The following CALHM4 variants were observed in gnomAD, a reference collection of about 807,000 sequenced individuals.
The protein encoded by CALHM4 is calcium homeostasis modulator protein 4.
A neutral mutation model predicts 13.3 loss-of-function variants in CALHM4; 16 were observed. The observed-to-expected ratio is 1.20, with a 90% CI of 0.81 to 1.82. CALHM4 has a LOEUF of 1.82. CALHM4 is among the 40% of genes most tolerant of loss of function. CALHM4 has a pLI of 0.00. For missense variants in CALHM4, 344 were observed against 374.9 expected, an observed-to-expected ratio of 0.92 and a Z score of 0.68; for synonymous variants, 127 against 137.1, an observed-to-expected ratio of 0.93 and a Z score of 0.52.
chr6:116,554,191 C>T lies in CALHM4; in HGVS notation c.398C>T (p.Ala133Val), dbSNP rs1283178396. Residue 133 changes from alanine (A) to valine (V), a missense_variant, in exon 1 of 2, where the codon GCA (alanine) becomes GTA (valine). Coordinates refer to ENST00000368596, the MANE Select transcript of CALHM4 (RefSeq NM_001366078.2). ...ACAGGCACGTATTATGAATGTGCAG[C>T]AAGTGAATTTGCATCTGTGGACCAT... is the stretch of plus-strand genomic sequence containing the variant. ...LLTGTYYECA[A>V]SEFASVDHYP... is the part of the protein sequence containing the mutation. 1 of 1,550,560 alleles carries T rather than the reference C, an allele frequency of 6.4e-7. No homozygotes were observed. Among genetic ancestry groups the T allele is most frequent in the Admixed American group, 2.0e-5 (1 of 51,006 alleles).
In CALHM4 at chr6:116,560,650, T is replaced by TG. The variant is rs34461745; in HGVS notation, c.*2453dup. Reference sequence around the variant, plus strand: ...CAAATAAATGGAATTTTTAGTATTTTGGGGGGGGGGGGGGCTATGGTCTAT... The same window carrying TG: ...CAAATAAATGGAATTTTTAGTATTTTGGGGGGGGGGGGGGGCTATGGTCTAT... On this transcript the variant is annotated 3_prime_UTR_variant, in exon 2 of 2. Coordinates refer to ENST00000368596, the MANE Select transcript of CALHM4 (RefSeq NM_001366078.2). Among the ~76,000 whole-genome samples, 787 of 120,812 alleles carry TG rather than the reference T, an allele frequency of 6.5e-3. 2 individuals carry two copies. The highest frequency in any genetic ancestry group is 0.016 in the African/African-American group (473 of 29,514). 79.3% of individuals were successfully genotyped at this position (120,812 alleles called of 152,430 possible). A position where few individuals can be genotyped will look rare whatever the true frequency, so the allele number is the denominator to read the frequency against.
In CALHM4 at chr6:116,554,251, G is replaced by A. The variant is rs746262889; in HGVS notation, c.458G>A (p.Arg153Gln). The A allele has an allele frequency of 1.9e-6, 3 of 1,550,616 alleles. No individual in the cohort carries two copies. The highest frequency in any genetic ancestry group is 1.2e-5 in the South Asian group (1 of 84,052). The change falls in exon 1 of 2, where the codon CGA (arginine) becomes CAA (glutamine). Residue 153 changes from arginine (R) to glutamine (Q), a missense_variant. Transcript: ENST00000368596. ...TTTGATAATGTCAGTGCCAGCAAAC[G>A]AGAAGAGATCCTGGCTGGGTTTCCA... ...PMFDNVSASK[R>Q]EEILAGFPCC...
upstream of CALHM4, among the ~76,000 whole-genome samples, chr6:116,553,108 T>G (rs1774154595): frequency 6.6e-6 from 1 of 152,214 alleles, no homozygotes; most frequent in African/African-American, 2.4e-5. Context: ...AATATCACAT[T>G]TTCATATAAC....
chr6:116,543,389 G>A (rs1253625859), intron 1 of CALHM4: 1 of 1,549,334 alleles, frequency 6.5e-7, no homozygotes, highest in South Asian at 1.2e-5. Flanking sequence ...TAAGGACAAA[G>A]AGATCTTTAT....
intron 1 of CALHM4, among the ~76,000 whole-genome samples, chr6:116,538,697 T>G (rs1259190717): frequency 6.6e-6 from 1 of 152,104 alleles, no homozygotes; most frequent in Non-Finnish European, 1.5e-5. Flanking sequence ...CTCTACCGCC[T>G]TATTAATTTG....
rs571258766 is a variant in CALHM4, at chr6:116,560,856, G to A, written c.*2645G>A. Among the ~76,000 whole-genome samples the A allele has an allele frequency of 2.5e-3, 376 of 152,198 alleles. 3 individuals carry two copies. The highest frequency in any genetic ancestry group is 6.8e-3 in the Middle Eastern group (2 of 294). On this transcript the variant is annotated 3_prime_UTR_variant, in exon 2 of 2. Transcript: ENST00000368596. ...TTTGGCTACCACATCAAACCCTGGA[G>A]CTTGACATATATAAACCTGCTCCTT...
chr6:116,545,152 T>C (rs1477264382), intron 2 of CALHM4, among the ~76,000 whole-genome samples: 1 of 151,234 alleles, frequency 6.6e-6, no homozygotes, highest in Non-Finnish European at 1.5e-5. Context: ...CATATATATG[T>C]AAGTTCCCAT....
chr6:116,554,117 T>TGGGA lies in CALHM4; in HGVS notation c.328_331dup (p.Ala111GlufsTer21). 6.4e-7 allele frequency: 1 copy of TGGGA among 1,550,636 alleles called. No individual in the cohort carries two copies. The highest frequency in any genetic ancestry group is 8.7e-7 in the Non-Finnish European group (1 of 1,147,004). On this transcript the variant is annotated frameshift_variant, in exon 1 of 2. Coordinates refer to ENST00000368596, the MANE Select transcript of CALHM4 (RefSeq NM_001366078.2). LOFTEE classifies it high-confidence loss of function. The stretch of plus-strand genomic sequence containing the variant: ...CTTGCCTTAGGTTCTTCAGCATCAC[T>TGGGA]GGGAGGGCAGTTATTGCTCCTTTAA...
At chr6:116,543,328 C>A (rs1395945046) in intron 1 of CALHM4, 1 of 1,549,510 alleles carries the variant, frequency 6.5e-7, no homozygotes, top group East Asian at 2.4e-5. Context: ...TGGTTCACAT[C>A]TTCATCCTTC....
intron 2 of CALHM4, among the ~76,000 whole-genome samples, chr6:116,546,323 T>C (rs1004597132): frequency 2.6e-5 from 4 of 152,190 alleles, no homozygotes; most frequent in Non-Finnish European, 5.9e-5. Context: ...GCAGAAATAC[T>C]TAAAGTTCAA....
intron 2 of CALHM4, among the ~76,000 whole-genome samples, chr6:116,544,346 C>A (rs72961119): frequency 0.072 from 10,878 of 152,042 alleles, 643 homozygotes; most frequent in African/African-American, 0.17. Flanking sequence ...GATGGGTGGG[C>A]ACTATTATAT....
chr6:116,539,744 CG>C (rs1431108404), intron 1 of CALHM4, among the ~76,000 whole-genome samples: 5 of 152,188 alleles, frequency 3.3e-5, no homozygotes, highest in Admixed American at 2.0e-4. Flanking sequence ...TGGAGACACG[CG>C]TATCTTCTGA....
In CALHM4 at chr6:116,558,166, G is replaced by A. The variant is rs1265753861; in HGVS notation, c.900G>A (p.Glu300=). The change falls in exon 2 of 2, where the codon GAG becomes GAA. Residue 300 remains glutamate (E), a synonymous_variant. Transcript: ENST00000368596. ...HYSFLGNRVD[E]DNEEDRSRGI... is the part of the protein sequence containing the mutation. ...GCTTCCTTGGAAATAGGGTGGATGA[G>A]GATAATGAGGAAGACAGATCAAGAG... The A allele has an allele frequency of 6.2e-7, 1 of 1,613,832 alleles. No homozygotes were observed. Among genetic ancestry groups the A allele is most frequent in the African/African-American group, 1.3e-5 (1 of 74,898 alleles).
chr6:116,530,981 G>T (rs1232853416), intron 1 of CALHM4, among the ~76,000 whole-genome samples: 1 of 140,320 alleles, frequency 7.1e-6, no homozygotes, highest in Admixed American at 7.4e-5. Flanking sequence ...CAAGATATTT[G>T]TCAATTACTT....
chr6:116,554,195 T>TGG lies in CALHM4; in HGVS notation c.403_404insGG (p.Glu135GlyfsTer37). The TGG allele has an allele frequency of 6.4e-7, 1 of 1,550,594 alleles. No homozygotes were observed. Among genetic ancestry groups the TGG allele is most frequent in the Non-Finnish European group, 8.7e-7 (1 of 1,146,990 alleles). ...GCACGTATTATGAATGTGCAGCAAGTGAATTTGCATCTGTGGACCATTACC... is the reference window on the plus strand; with the variant it reads ...GCACGTATTATGAATGTGCAGCAAGTGGGAATTTGCATCTGTGGACCATTACC... On this transcript the variant is annotated frameshift_variant, in exon 1 of 2. Coordinates refer to ENST00000368596, the MANE Select transcript of CALHM4 (RefSeq NM_001366078.2). LOFTEE classifies it high-confidence loss of function.
chr6:116,560,569 A>G lies in CALHM4; in HGVS notation c.*2358A>G, dbSNP rs1362097906. 6.6e-6 allele frequency among the ~76,000 whole-genome samples: 1 copy of G among 150,704 alleles called. No individual in the cohort carries two copies. Among genetic ancestry groups the G allele is most frequent in the African/African-American group, 2.4e-5 (1 of 40,902 alleles). On this transcript the variant is annotated 3_prime_UTR_variant, in exon 2 of 2. Transcript: ENST00000368596. ...ATTTATAGCATCTATGTGAACATTT[A>G]AAAGGTAGTACACACCCCTGGGATT...
intron 1 of CALHM4, chr6:116,543,392 A>G (rs1172068566): frequency 3.2e-6 from 5 of 1,548,836 alleles, no homozygotes; most frequent in African/African-American, 1.4e-5. Flanking sequence ...GGACAAAGAG[A>G]TCTTTATTCT....
rs936900561 is a variant in CALHM4, at chr6:116,560,657, G to T, written c.*2446G>T. Among the ~76,000 whole-genome samples the T allele has an allele frequency of 2.7e-5, 4 of 147,394 alleles. No homozygotes were observed. Among genetic ancestry groups the T allele is most frequent in the African/African-American group, 7.5e-5 (3 of 39,938 alleles). ...ATGGAATTTTTAGTATTTTGGGGGG[G>T]GGGGGGGCTATGGTCTATAGCATTT... is the stretch of plus-strand genomic sequence containing the variant. On this transcript the variant is annotated 3_prime_UTR_variant, in exon 2 of 2. Coordinates refer to ENST00000368596, the MANE Select transcript of CALHM4 (RefSeq NM_001366078.2).
In CALHM4 at chr6:116,530,942, T is replaced by TATATATAC. The variant is rs1327783259; in HGVS notation, c.-109+1754_-109+1755insATATACAT. 1.3e-4 allele frequency among the ~76,000 whole-genome samples: 18 copies of TATATATAC among 137,304 alleles called. 1 individual carries two copies. Among genetic ancestry groups the TATATATAC allele is most frequent in the African/African-American group, 4.8e-4 (18 of 37,522 alleles). 90.1% of individuals were successfully genotyped at this position (137,304 alleles called of 152,430 possible). ...ATATATATATATATATATATATATA[T>TATATATAC]ATGTTACTAATTTCCTAGACAAGAA... On this transcript the variant is annotated intron_variant, in intron 1 of 2. Transcript: ENST00000368597.
Sources: allele counts gnomAD v4.1 joint callset (sites outside exome capture counted in the v4.1 genomes callset), GRCh38; gene constraint gnomAD v4.1.1; transcripts MANE v1.5; gene names NCBI Gene and HGNC (gene_info 2026-07-23, HGNC 2026-07-21).